Variants in PNLDC1 observed in about 807,000 individuals in gnomAD.
The protein encoded by PNLDC1 is poly(A)-specific ribonuclease PNLDC1.
In PNLDC1, 70 loss-of-function variants were observed where a neutral mutation model predicts 82.0. That is an observed-to-expected ratio of 0.85 (90% CI 0.70 to 1.04). The LOEUF (loss-of-function observed/expected upper bound fraction) is 1.04. Ranked by LOEUF, PNLDC1 falls within the 50% of genes least tolerant of loss-of-function variation. The probability of loss-of-function intolerance (pLI) is 0.00; values close to 1 mark genes in which losing one functional copy is unlikely to be tolerated. For missense variants in PNLDC1, 631 were observed against 661.1 expected (o/e 0.95, Z 0.50); for synonymous variants, 280 against 249.3 (o/e 1.12, Z -1.16).
At chr6:159,817,275 C>T (rs1173264059) in intron 15 of PNLDC1, 124 bp downstream of exon 15, 1 of 927,632 alleles carries the variant, frequency 1.1e-6, no homozygotes, top group East Asian at 2.4e-5. Context: ...TGAGGTGTCA[C>T]TGGTATAGAA....
At chr6:159,804,406 G>A in intron 5 of PNLDC1, 143 bp from the exon 6 acceptor site, 2 of 661,212 alleles carry the variant, frequency 3.0e-6, no homozygotes, top group South Asian at 3.9e-5. Context: ...ACCCGGCCTG[G>A]GAATGTCTTA....
intron 10 of PNLDC1, among the ~76,000 whole-genome samples, chr6:159,810,569 G>C (rs12193936): frequency 0.017 from 2,613 of 152,276 alleles, 34 homozygotes; most frequent in Non-Finnish European, 0.025. Flanking sequence ...GTCCCCTACT[G>C]TTTCATGGTT....
chr6:159,813,692 G>A (rs369363052), intron 12 of PNLDC1, 36 bp downstream of exon 12: 90 of 1,581,618 alleles, frequency 5.7e-5, no homozygotes, highest in Non-Finnish European at 7.5e-5. Context: ...CTGCTGGAGC[G>A]GCCTTGGTGG....
At chr6:159,805,833 C>T in intron 6 of PNLDC1, 150 bp from the exon 7 acceptor site, 2 of 635,552 alleles carry the variant, frequency 3.1e-6, no homozygotes, top group Non-Finnish European at 5.7e-6. Flanking sequence ...ATAAGAGCCT[C>T]AGAGAAGAAA....
At chr6:159,808,976 A>T in intron 8 of PNLDC1, 39 bp from the exon 9 acceptor site, 1 of 1,605,332 alleles carries the variant, frequency 6.2e-7, no homozygotes. Flanking sequence ...CCTCATTCCT[A>T]GTAACCCAGG....
chr6:159,801,720 A>T (rs1781264334), intron 3 of PNLDC1, among the ~76,000 whole-genome samples: 1 of 151,898 alleles, frequency 6.6e-6, no homozygotes, highest in Non-Finnish European at 1.5e-5. Flanking sequence ...TGATGGAATT[A>T]TAAGCGTGAG....
intron 3 of PNLDC1, among the ~76,000 whole-genome samples, chr6:159,802,752 T>A (rs1781308409): frequency 6.6e-6 from 1 of 152,090 alleles, no homozygotes; most frequent in South Asian, 2.1e-4. Flanking sequence ...CTAGCTAATT[T>A]TTGTATTTTT....
chr6:159,817,204 G>T (rs896266889), intron 15 of PNLDC1, 53 bp downstream of exon 15: 45 of 1,542,660 alleles, frequency 2.9e-5, no homozygotes, highest in Non-Finnish European at 3.8e-5. Flanking sequence ...AGGATTTATT[G>T]AGCCCTTGCT....
Position 159,811,763 on chromosome 6 carries a change from AGT to A in PNLDC1, c.919_920del (p.Val307AsnfsTer21). On this transcript the variant is annotated frameshift_variant, in exon 11 of 19. Coordinates refer to ENST00000392167, the MANE Select transcript of PNLDC1 (RefSeq NM_001271862.2). LOFTEE classifies it high-confidence loss of function. Reference protein sequence around the residue: ...SLFPVLIDTKSVTKDIWKEMN... With the variant: ...SLFPVLIDTKXVTKDIWKEMN... ...ATTTCCTGTTCTCATTGATACCAAG[AGT>A]GTAACAAAGGATATCTGGAAGGTAA... 6.2e-7 allele frequency: 1 copy of A among 1,611,938 alleles called. No homozygotes were observed. Among genetic ancestry groups the A allele is most frequent in the Non-Finnish European group, 8.5e-7 (1 of 1,178,014 alleles).
intron 1 of PNLDC1, 66 bp downstream of exon 1, chr6:159,800,449 GGGTGGCGGGAC>G (rs1333590606): frequency 9.3e-6 from 14 of 1,500,450 alleles, no homozygotes; most frequent in Middle Eastern, 2.3e-4. Flanking sequence ...CTTGAGGAGG[GGGTGGCGGGAC>G]GGTTGCCAGG....
At position 159,819,789 on chromosome 6, in the gene PNLDC1, C is replaced by G. The variant is rs1202572989; in HGVS notation, c.1532+437C>G. On this transcript the variant is annotated intron_variant, in intron 18 of 18. Transcript: ENST00000392167. The surrounding 1 kb of genome is among the most constrained non-coding windows in gnomAD (Gnocchi z 4.6). ...GGAGGGGGCAGCAGGACGGAGCCTT[C>G]CAGTCAGGAGGTGCCCGGAGTGTCA... Among the ~76,000 whole-genome samples, 1 of 151,936 alleles carries G rather than the reference C, an allele frequency of 6.6e-6. No homozygotes were observed. Among genetic ancestry groups the G allele is most frequent in the African/African-American group, 2.4e-5 (1 of 41,370 alleles).
intron 9 of PNLDC1, 99 bp downstream of exon 9, chr6:159,809,257 A>C: frequency 6.9e-7 from 1 of 1,441,366 alleles, no homozygotes; most frequent in Non-Finnish European, 9.5e-7. Flanking sequence ...AAATTCTTTG[A>C]GATAAGTGAT....
chr6:159,816,603 A>G lies in PNLDC1; in HGVS notation c.1114+7A>G, dbSNP rs1218947308. ...GCCTTCCTCTGTGGGTCAGGTAAGG[A>G]TTGCGGTTCCTTTAAAAGGAAACTC... is the stretch of plus-strand genomic sequence containing the variant. On this transcript the variant is annotated splice_region_variant and intron_variant, in intron 14 of 18. Coordinates refer to ENST00000392167, the MANE Select transcript of PNLDC1 (RefSeq NM_001271862.2). 5.6e-6 allele frequency: 9 copies of G among 1,602,938 alleles called. No homozygotes were observed. The African/African-American group carries it at 6.8e-5, about 12-fold the overall frequency.
At position 159,811,001 on chromosome 6, in the gene PNLDC1, C is replaced by T. The variant is rs1357847813; in HGVS notation, c.854-700C>T. Among the ~76,000 whole-genome samples, 5 of 152,102 alleles carry T rather than the reference C, an allele frequency of 3.3e-5. No individual in the cohort carries two copies. In the East Asian group the frequency reaches 5.8e-4, roughly 18 times the overall value. ...CACAGAGCCTTTTGTGAATGACGCGCGTGGGGCGATACGGGCATGTGTGTG... is the reference window on the plus strand; with the variant it reads ...CACAGAGCCTTTTGTGAATGACGCGTGTGGGGCGATACGGGCATGTGTGTG... On this transcript the variant is annotated intron_variant, in intron 10 of 18. Transcript: ENST00000392167.
chr6:159,803,259 T>G lies in PNLDC1; in HGVS notation c.209-12T>G, dbSNP rs1430627444. Reference sequence around the variant, plus strand: ...TCCTTGGCATTCATTCCCTCTACGGTCATTCTTCCAGGATTGTCTGTGTTT... The same window carrying G: ...TCCTTGGCATTCATTCCCTCTACGGGCATTCTTCCAGGATTGTCTGTGTTT... On this transcript the variant is annotated splice_polypyrimidine_tract_variant and intron_variant, in intron 3 of 18. Coordinates refer to ENST00000392167, the MANE Select transcript of PNLDC1 (RefSeq NM_001271862.2). 1 of 1,613,914 alleles carries G rather than the reference T, an allele frequency of 6.2e-7. No homozygotes were observed. Among genetic ancestry groups the G allele is most frequent in the Non-Finnish European group, 8.5e-7 (1 of 1,179,814 alleles).
intron 3 of PNLDC1, among the ~76,000 whole-genome samples, chr6:159,802,626 G>C (rs1781303308): frequency 6.6e-6 from 1 of 152,206 alleles, no homozygotes; most frequent in Admixed American, 6.5e-5. Context: ...TGTTGCCCAG[G>C]CTGGAGTGCA....
At chr6:159,804,470 C>G in intron 5 of PNLDC1, 79 bp from the exon 6 acceptor site, 1 of 964,622 alleles carries the variant, frequency 1.0e-6, no homozygotes, top group Non-Finnish European at 1.6e-6. Context: ...CCCTTTCTAC[C>G]TGTCCTCGTG....
rs201229778 is a variant in PNLDC1, at chr6:159,820,488, G to A, written c.1567G>A (p.Ala523Thr). 83 of 1,614,144 alleles carry A rather than the reference G, an allele frequency of 5.1e-5. 2 individuals carry two copies. The highest frequency in any genetic ancestry group is 3.2e-4 in the South Asian group (29 of 91,090). Reference sequence around the variant, plus strand: ...CATAGTGACTGCCTGGGCCCTTCTCGCGTTCATCCTTGGAAGATCTGGTAC... The same window carrying A: ...CATAGTGACTGCCTGGGCCCTTCTCACGTTCATCCTTGGAAGATCTGGTAC... ...CGIVTAWALL[A>T]FILGRSGT is the part of the protein sequence containing the mutation. Residue 523 changes from alanine to threonine, a missense_variant, in exon 19 of 19, where the codon GCG (alanine) becomes ACG (threonine). Physicochemically the swap from Ala to Thr is moderately conservative, Grantham distance 58. Transcript: ENST00000392167.
chr6:159,801,139 A>G lies in PNLDC1; in HGVS notation c.161A>G (p.Tyr54Cys), dbSNP rs763129117. The G allele has an allele frequency of 6.2e-6, 10 of 1,614,092 alleles. No homozygotes were observed. The highest frequency in any genetic ancestry group is 8.5e-6 in the Non-Finnish European group (10 of 1,180,042). Residue 54 changes from tyrosine (Y) to cysteine (C), a missense_variant, in exon 3 of 19, where the codon TAT becomes TGT. Tyr to Cys is a radical substitution (Grantham distance 194, BLOSUM62 -2). Coordinates refer to ENST00000392167, the MANE Select transcript of PNLDC1 (RefSeq NM_001271862.2). Reference sequence around the variant, plus strand: ...CTTTTTGATTTGCCATCGGAGTGGTATCTAAAGACCCGTCAGAGTGTTCAG... The same window carrying G: ...CTTTTTGATTTGCCATCGGAGTGGTGTCTAAAGACCCGTCAGAGTGTTCAG... ...ISLFDLPSEWYLKTRQSVQQF... is the reference protein window; with the variant it reads ...ISLFDLPSEWCLKTRQSVQQF...
Sources: allele counts gnomAD v4.1 joint callset (sites outside exome capture counted in the v4.1 genomes callset), GRCh38; gene constraint gnomAD v4.1.1; non-coding constraint Gnocchi (gnomAD v3.1); transcripts MANE v1.5; gene names NCBI Gene and HGNC (gene_info 2026-07-23, HGNC 2026-07-21).